The following DSCAML1 variants were observed in gnomAD, a reference collection of about 807,000 sequenced individuals.
DSCAML1 encodes DS cell adhesion molecule like 1.
A neutral mutation model predicts 200.5 loss-of-function variants in DSCAML1; 38 were observed. That is an observed-to-expected ratio of 0.19 (90% confidence interval 0.15 to 0.25). The LOEUF (loss-of-function observed/expected upper bound fraction) is 0.25, where lower values mean the gene tolerates loss of function less well. Among genes scored for constraint, DSCAML1 ranks in the 10% least tolerant of loss-of-function variants. The pLI, the probability that DSCAML1 is intolerant of heterozygous loss-of-function variation, is 1.00. For missense variants in DSCAML1, 2,223 were observed against 2,858.8 expected (o/e 0.78, Z 5.07); for synonymous variants, 1,215 against 1,165.0 (o/e 1.04, Z -0.87).
chr11:117,801,304 G>A (rs1313989993), upstream of DSCAML1: 1 of 152,206 alleles, frequency 6.6e-6, no homozygotes, highest in Non-Finnish European at 1.5e-5. Flanking sequence ...GAGCTGGGCT[G>A]GAATGATCAC....
At chr11:117,535,960 A>G (rs1416877412) in intron 3 of DSCAML1, among the ~76,000 whole-genome samples, 1 of 151,910 alleles carries the variant, frequency 6.6e-6, no homozygotes, top group African/African-American at 2.4e-5. Context: ...TTCTATAGCA[A>G]CAAGCAGCTG....
At chr11:117,714,469 C>T (rs2053910700) in intron 3 of DSCAML1, among the ~76,000 whole-genome samples, 2 of 152,124 alleles carry the variant, frequency 1.3e-5, no homozygotes, top group Non-Finnish European at 2.9e-5. Context: ...CAGAGGTCAT[C>T]GAGTTCAACA....
chr11:117,747,203 G>A (rs1472995098), intron 3 of DSCAML1, among the ~76,000 whole-genome samples: 1 of 152,168 alleles, frequency 6.6e-6, no homozygotes, highest in Admixed American at 6.5e-5. Context: ...GCCTCTGCCT[G>A]CTGACCTTGA....
chr11:117,471,938 T>C lies in DSCAML1; in HGVS notation c.2884A>G (p.Met962Val), dbSNP rs1365446036. ...CGGCCAATCTTGTTGAAAGAGTACA[T>C]GCGGATGCTGTACACAGATGCCGGG... ...LHPASVYSIR[M>V]YSFNKIGRSE... is the part of the protein sequence containing the mutation. Residue 962 changes from methionine (M) to valine (V), a missense_variant, in exon 15 of 33, where the codon ATG becomes GTG. Physicochemically the swap from Met to Val is conservative, Grantham distance 21. Coordinates refer to ENST00000651296, the MANE Select transcript of DSCAML1 (RefSeq NM_020693.4). The C allele has an allele frequency of 1.9e-6, 3 of 1,614,124 alleles. No individual in the cohort carries two copies. Among genetic ancestry groups the C allele is most frequent in the Non-Finnish European group, 1.7e-6 (2 of 1,180,028 alleles).
chr11:117,542,332 A>AACAACAAC (rs1424469788), intron 3 of DSCAML1, among the ~76,000 whole-genome samples: 1 of 132,188 alleles, frequency 7.6e-6, no homozygotes, highest in South Asian at 2.2e-4. Flanking sequence ...CAAAACACAA[A>AACAACAAC]AACAACAACA....
At chr11:117,712,651 T>A (rs892360603) in intron 3 of DSCAML1, among the ~76,000 whole-genome samples, 1 of 152,148 alleles carries the variant, frequency 6.6e-6, no homozygotes, top group Non-Finnish European at 1.5e-5. Flanking sequence ...GACAGCATCC[T>A]CGCTGGTGTC....
At chr11:117,594,809 A>G (rs2051328882) in intron 3 of DSCAML1, among the ~76,000 whole-genome samples, 2 of 152,066 alleles carry the variant, frequency 1.3e-5, no homozygotes, top group Admixed American at 1.3e-4. Flanking sequence ...CCAGGGAGGG[A>G]TGAAAGATGT....
At chr11:117,687,295 C>T (rs938248114) in intron 3 of DSCAML1, among the ~76,000 whole-genome samples, 2 of 152,116 alleles carry the variant, frequency 1.3e-5, no homozygotes, top group Non-Finnish European at 2.9e-5. Context: ...AGATCTCGCT[C>T]TGTAACCCAG....
At position 117,782,643 on chromosome 11, in the gene DSCAML1, G is replaced by A. The variant is rs11599945; in HGVS notation, c.47-1833C>T. ...TTCACCAGGCAGCAAACCGAGGCTC[G>A]GGAGGTTTCTCTTAGAATATACACT... On this transcript the variant is annotated intron_variant, in intron 1 of 32. Transcript: ENST00000651296. Among the ~76,000 whole-genome samples the A allele has an allele frequency of 1.0e-3, 156 of 152,220 alleles. 1 individual carries two copies. The highest frequency in any genetic ancestry group is 1.8e-3 in the Non-Finnish European group (121 of 68,010).
intron 3 of DSCAML1, among the ~76,000 whole-genome samples, chr11:117,718,888 A>C (rs2054001185): frequency 6.6e-6 from 1 of 152,154 alleles, no homozygotes. Context: ...CCAGGCAGCA[A>C]ATGTTTTTGG....
chr11:117,777,899 C>T (rs1324572018), intron 2 of DSCAML1, among the ~76,000 whole-genome samples: 2 of 152,206 alleles, frequency 1.3e-5, no homozygotes, highest in African/African-American at 4.8e-5. Flanking sequence ...TCCTTCCACC[C>T]CCTTATCTGC....
chr11:117,665,048 C>T (rs1289523572), intron 3 of DSCAML1, among the ~76,000 whole-genome samples: 1 of 152,202 alleles, frequency 6.6e-6, no homozygotes, highest in African/African-American at 2.4e-5. Flanking sequence ...AAGCCCCGCC[C>T]ATCTCAGTGG....
In DSCAML1 at chr11:117,457,893, C is replaced by T. The variant is rs553389380; in HGVS notation, c.3568+861G>A. ...GGAAGCCACCATGCCAAGGATGTCTCCCGCTTCTGTGCCTGCTGTGTGCCA... is the reference window on the plus strand; with the variant it reads ...GGAAGCCACCATGCCAAGGATGTCTTCCGCTTCTGTGCCTGCTGTGTGCCA... On this transcript the variant is annotated intron_variant, in intron 19 of 32. Transcript: ENST00000651296. Among the ~76,000 whole-genome samples, 75 of 152,352 alleles carry T rather than the reference C, an allele frequency of 4.9e-4. 1 individual carries two copies. In the South Asian group the frequency reaches 6.0e-3, roughly 12 times the overall value.
intron 3 of DSCAML1, among the ~76,000 whole-genome samples, chr11:117,576,654 C>T (rs2050937266): frequency 6.6e-6 from 1 of 151,974 alleles, no homozygotes; most frequent in South Asian, 2.1e-4. Flanking sequence ...TTCCTGAATG[C>T]CTCATACAAC....
chr11:117,448,256 C>T (rs1021266421), intron 20 of DSCAML1, among the ~76,000 whole-genome samples: 1 of 152,194 alleles, frequency 6.6e-6, no homozygotes, highest in Non-Finnish European at 1.5e-5. Context: ...AAAGTCCAGG[C>T]TAGAGAATGA....
At chr11:117,666,732 A>G (rs985245906) in intron 3 of DSCAML1, among the ~76,000 whole-genome samples, 4 of 152,188 alleles carry the variant, frequency 2.6e-5, no homozygotes, top group Non-Finnish European at 5.9e-5. Context: ...TCGCAAATTC[A>G]GGCTTGGTTT....
intron 3 of DSCAML1, among the ~76,000 whole-genome samples, chr11:117,751,139 C>T (rs926054487): frequency 2.0e-5 from 3 of 152,034 alleles, no homozygotes; most frequent in Admixed American, 1.3e-4. Flanking sequence ...TTGGCACGGA[C>T]GTGACTCTGC....
intron 3 of DSCAML1, among the ~76,000 whole-genome samples, chr11:117,730,020 G>A (rs1360123484): frequency 3.3e-5 from 5 of 152,196 alleles, no homozygotes; most frequent in Non-Finnish European, 7.3e-5. Flanking sequence ...CCAACATGGT[G>A]AAACTCTATC....
intron 3 of DSCAML1, among the ~76,000 whole-genome samples, chr11:117,638,783 A>G (rs1046087951): frequency 2.0e-5 from 3 of 152,158 alleles, no homozygotes; most frequent in Admixed American, 2.0e-4. Context: ...TTTGTTCATT[A>G]ATGGACATTT....
Sources: allele counts gnomAD v4.1 joint callset (sites outside exome capture counted in the v4.1 genomes callset), GRCh38; gene constraint gnomAD v4.1.1; transcripts MANE v1.5; gene names NCBI Gene and HGNC (gene_info 2026-07-23, HGNC 2026-07-21).